GRM8: variants seen among roughly 807,000 people sequenced by gnomAD.
GRM8 encodes the protein metabotropic glutamate receptor 8.
In GRM8, 47 loss-of-function variants were observed where a neutral mutation model predicts 87.2. That is an observed-to-expected ratio of 0.54 (90% CI 0.43 to 0.69). GRM8 has a LOEUF of 0.69. GRM8 is among the 30% of genes least tolerant of loss of function. The probability of loss-of-function intolerance (pLI) is 0.00; values close to 1 mark genes in which losing one functional copy is unlikely to be tolerated. For synonymous variants in GRM8, 396 were observed against 404.5 expected, an observed-to-expected ratio of 0.98 and a Z score of 0.25; for missense variants, 1,019 against 1,139.2, an observed-to-expected ratio of 0.89 and a Z score of 1.52.
At chr7:126,752,045 A>T (rs1242012216) in intron 7 of GRM8, among the ~76,000 whole-genome samples, 2 of 143,492 alleles carry the variant, frequency 1.4e-5, no homozygotes, top group East Asian at 3.9e-4. Flanking sequence ...ATCCAATTCA[A>T]CCTCTTCCTC....
Position 126,567,628 on chromosome 7 carries a change from TG to T in GRM8, c.1495-33742del, listed in dbSNP as rs1314143275. On this transcript the variant is annotated intron_variant, in intron 8 of 10. Coordinates refer to ENST00000339582, the MANE Select transcript of GRM8 (RefSeq NM_000845.3). Reference sequence around the variant, plus strand: ...AATACAACAGTTTTTTAATTGTGTATGCTTTTAGTGGTAAATAAATTAGCTC... The same window carrying T: ...AATACAACAGTTTTTTAATTGTGTATCTTTTAGTGGTAAATAAATTAGCTC... 6.6e-5 allele frequency among the ~76,000 whole-genome samples: 10 copies of T among 152,172 alleles called. 1 individual carries two copies. Among genetic ancestry groups the T allele is most frequent in the Non-Finnish European group, 1.5e-4 (10 of 68,024 alleles).
intron 6 of GRM8, among the ~76,000 whole-genome samples, chr7:126,880,529 A>C (rs1348914961): frequency 6.6e-6 from 1 of 152,226 alleles, no homozygotes; most frequent in East Asian, 1.9e-4. Flanking sequence ...TCTACAATCA[A>C]ATATTGCCTT....
rs1026886688 is a variant in GRM8, at chr7:126,519,792, T to C, written c.2430+13160A>G. 2.0e-5 allele frequency among the ~76,000 whole-genome samples: 3 copies of C among 152,036 alleles called. No homozygotes were observed. The South Asian group carries it at 6.2e-4, about 32-fold the overall frequency. On this transcript the variant is annotated intron_variant, in intron 9 of 10. Transcript: ENST00000339582. Reference sequence around the variant, plus strand: ...TGATCAGTGCTTATGTAGCTAGCAATTTTTTTCTAAAATAAGCATCTTAAA... The same window carrying C: ...TGATCAGTGCTTATGTAGCTAGCAACTTTTTTCTAAAATAAGCATCTTAAA...
At chr7:126,941,630 A>C in intron 3 of GRM8, among the ~76,000 whole-genome samples, 1 of 151,988 alleles carries the variant, frequency 6.6e-6, no homozygotes, top group African/African-American at 2.4e-5. Flanking sequence ...AAAAAAAAAA[A>C]AAAGAAAGAA....
chr7:126,569,487 C>T (rs939962461), intron 8 of GRM8, among the ~76,000 whole-genome samples: 1 of 152,110 alleles, frequency 6.6e-6, no homozygotes, highest in South Asian at 2.1e-4. Context: ...AGGAAGAAAA[C>T]GACACTTTGT....
At chr7:126,736,214 T>G (rs1050430458) in intron 7 of GRM8, among the ~76,000 whole-genome samples, 3 of 152,032 alleles carry the variant, frequency 2.0e-5, no homozygotes, top group African/African-American at 7.2e-5. Flanking sequence ...AAATATAACC[T>G]AACTTAACAC....
Position 126,948,434 on chromosome 7 carries a change from C to T in GRM8, c.728-43751G>A, listed in dbSNP as rs1359857358. On this transcript the variant is annotated intron_variant, in intron 3 of 10. Coordinates refer to ENST00000339582, the MANE Select transcript of GRM8 (RefSeq NM_000845.3). Reference sequence around the variant, plus strand: ...TGTAAGCAGCTGGATATGCTTCCATCTAGGATGCAGGCTGGGAATGTCAGG... The same window carrying T: ...TGTAAGCAGCTGGATATGCTTCCATTTAGGATGCAGGCTGGGAATGTCAGG... Among the ~76,000 whole-genome samples the T allele has an allele frequency of 2.0e-5, 3 of 147,228 alleles. No individual in the cohort carries two copies. In the Admixed American group the frequency reaches 2.1e-4, roughly 10 times the overall value.
intron 6 of GRM8, among the ~76,000 whole-genome samples, chr7:126,859,000 C>T (rs1279742020): frequency 6.6e-6 from 1 of 152,044 alleles, no homozygotes; most frequent in Non-Finnish European, 1.5e-5. Context: ...ACCCCACACA[C>T]ACCACCTTCC....
At chr7:127,010,328 C>T (rs779016430) in intron 3 of GRM8, among the ~76,000 whole-genome samples, 21 of 152,108 alleles carry the variant, frequency 1.4e-4, no homozygotes, top group Non-Finnish European at 2.2e-4. Flanking sequence ...TTTCTGTTCA[C>T]GGTACTAATA....
chr7:127,032,804 T>C (rs888574647), intron 3 of GRM8, among the ~76,000 whole-genome samples: 8 of 152,176 alleles, frequency 5.3e-5, no homozygotes, highest in African/African-American at 1.9e-4. Context: ...TTTTTTTCTA[T>C]AAGATAAGAA....
chr7:127,196,922 A>C (rs1325011053), intron 2 of GRM8, among the ~76,000 whole-genome samples: 1 of 152,132 alleles, frequency 6.6e-6, no homozygotes, highest in African/African-American at 2.4e-5. Flanking sequence ...GGGTCTCACT[A>C]TGTTGCCCAG....
chr7:127,150,155 T>C (rs1828776053), intron 2 of GRM8, among the ~76,000 whole-genome samples: 1 of 152,084 alleles, frequency 6.6e-6, no homozygotes, highest in South Asian at 2.1e-4. Flanking sequence ...ATACAATTTA[T>C]TTTATAAATA....
intron 7 of GRM8, among the ~76,000 whole-genome samples, chr7:126,622,738 A>C (rs1333214864): frequency 6.6e-6 from 1 of 152,204 alleles, no homozygotes; most frequent in East Asian, 1.9e-4. Context: ...AAAGCAACTA[A>C]AATCCGTTAC....
chr7:126,585,782 G>A (rs1232801175), intron 8 of GRM8, among the ~76,000 whole-genome samples: 2 of 152,162 alleles, frequency 1.3e-5, no homozygotes. Context: ...AGACAGGGAT[G>A]CCCTCTCTCA....
intron 2 of GRM8, among the ~76,000 whole-genome samples, chr7:127,114,079 TGAA>T (rs1411409898): frequency 6.6e-6 from 1 of 152,126 alleles, no homozygotes; most frequent in Non-Finnish European, 1.5e-5. Context: ...TCCAAAAACA[TGAA>T]GTAGTAGTAT....
intron 8 of GRM8, among the ~76,000 whole-genome samples, chr7:126,559,543 C>A (rs1793486887): frequency 6.6e-6 from 1 of 152,178 alleles, no homozygotes; most frequent in Non-Finnish European, 1.5e-5. Flanking sequence ...AGATTCAAAC[C>A]TCGTCTCAAT....
intron 3 of GRM8, among the ~76,000 whole-genome samples, chr7:127,069,092 G>A (rs1425791667): frequency 1.3e-5 from 2 of 152,116 alleles, no homozygotes; most frequent in African/African-American, 4.8e-5. Context: ...TTCATTGGAA[G>A]ACAAAGTTTC....
At chr7:126,618,179 A>T (rs1408024487) in intron 7 of GRM8, among the ~76,000 whole-genome samples, 2 of 152,168 alleles carry the variant, frequency 1.3e-5, no homozygotes, top group Non-Finnish European at 2.9e-5. Context: ...CAAAACAGAG[A>T]TATAGACCAA....
rs528264229 is a variant in GRM8 at position 126,547,897 on chromosome 7, G to GA, written c.1495-14011dup. Among the ~76,000 whole-genome samples, 65 of 126,028 alleles carry GA rather than the reference G, an allele frequency of 5.2e-4. No individual in the cohort carries two copies. The South Asian group carries it at 6.3e-3, about 12-fold the overall frequency. The allele number at this position is 126,028 out of a possible 152,430, so 82.7% of individuals were successfully genotyped here. On this transcript the variant is annotated intron_variant, in intron 8 of 10. Transcript: ENST00000339582. ...TTCTGGAGAACGAAAGAAACAAAAT[G>GA]AAAAAAAAAACCTAGTTGATGTGCT...
Sources: allele counts gnomAD v4.1 joint callset (sites outside exome capture counted in the v4.1 genomes callset), GRCh38; gene constraint gnomAD v4.1.1; transcripts MANE v1.5; gene names NCBI Gene and HGNC (gene_info 2026-07-23, HGNC 2026-07-21).